TACC2: variants seen among roughly 807,000 people sequenced by gnomAD.
The protein encoded by TACC2 is transforming acidic coiled-coil containing protein 2, also known as transforming acidic coiled-coil-containing protein 2.
In TACC2, 137 loss-of-function variants were observed where a neutral mutation model predicts 227.3. The observed-to-expected ratio is 0.60, with a 90% CI of 0.52 to 0.69. The LOEUF (loss-of-function observed/expected upper bound fraction) is 0.69, where lower values mean the gene tolerates loss of function less well. TACC2 is among the 30% of genes least tolerant of loss of function. TACC2 has a pLI of 0.00. For missense variants in TACC2, 3,470 were observed against 3,694.4 expected (o/e 0.94, Z 1.57); for synonymous variants, 1,523 against 1,487.5 (o/e 1.02, Z -0.55).
intron 2 of TACC2, among the ~76,000 whole-genome samples, chr10:122,034,403 T>C (rs1179764685): frequency 6.6e-6 from 1 of 152,128 alleles, no homozygotes; most frequent in Non-Finnish European, 1.5e-5. Context: ...AGGATAATCA[T>C]CCCAGGTCAT....
chr10:122,147,681 C>T (rs2901303), intron 7 of TACC2, among the ~76,000 whole-genome samples: 146,172 of 152,336 alleles, frequency 0.96, 70,338 homozygotes, highest in Non-Finnish European at 1. Flanking sequence ...TGGGTTATAA[C>T]CCAATACTAC....
At chr10:122,051,427 T>TG (rs1252132606) in intron 3 of TACC2, 3 of 152,116 alleles carry the variant, frequency 2.0e-5, no homozygotes, top group Non-Finnish European at 4.4e-5. Flanking sequence ...CCTCTCCCCA[T>TG]GTTGGCCCCA....
At chr10:122,054,948 G>A (rs1476785403) in intron 3 of TACC2, among the ~76,000 whole-genome samples, 1 of 152,130 alleles carries the variant, frequency 6.6e-6, no homozygotes, top group Non-Finnish European at 1.5e-5. Context: ...GGCAGGGCAT[G>A]GTGGCTCACG....
chr10:122,030,123 G>A (rs1958760371), intron 2 of TACC2, among the ~76,000 whole-genome samples: 1 of 150,862 alleles, frequency 6.6e-6, no homozygotes, highest in African/African-American at 2.4e-5. Flanking sequence ...CAGCGCTGAG[G>A]TTGAGAAACC....
chr10:122,069,725 A>G (rs2461229), intron 3 of TACC2, among the ~76,000 whole-genome samples: 149,238 of 152,324 alleles, frequency 0.98, 73,169 homozygotes, highest in East Asian at 1. Flanking sequence ...GGTTTTAAAT[A>G]GGAATGCAGC....
chr10:122,166,763 T>C (rs1415521034), intron 7 of TACC2, among the ~76,000 whole-genome samples: 1 of 152,210 alleles, frequency 6.6e-6, no homozygotes, highest in East Asian at 1.9e-4. Flanking sequence ...GCTGGCCACT[T>C]CTCTGACTGC....
chr10:122,067,487 T>C (rs964521564), intron 3 of TACC2, among the ~76,000 whole-genome samples: 5 of 150,074 alleles, frequency 3.3e-5, no homozygotes, highest in African/African-American at 9.8e-5. Flanking sequence ...CTTGGTGGTG[T>C]AGGTTTTTCA....
At chr10:122,039,112 A>T (rs1207968300) in intron 2 of TACC2, among the ~76,000 whole-genome samples, 1 of 152,116 alleles carries the variant, frequency 6.6e-6, no homozygotes, top group Admixed American at 6.5e-5. Flanking sequence ...AGTAGCTGGG[A>T]TTACAGGCAG....
rs1417526043 is a variant in TACC2 at position 122,141,979 on chromosome 10, T to C, written c.5700-1593T>C. Among the ~76,000 whole-genome samples the C allele has an allele frequency of 2.0e-5, 3 of 152,242 alleles. No individual in the cohort carries two copies. The highest frequency in any genetic ancestry group is 4.1e-4 in the South Asian group (2 of 4,836). On this transcript the variant is annotated intron_variant, in intron 6 of 22. Transcript: ENST00000369005. The surrounding 1 kb of genome is among the most constrained non-coding windows in gnomAD (Gnocchi z 4.3). Reference sequence around the variant, plus strand: ...AGGAGCTTAAATGCCTCTGGTAGTTTGCATTATTCATTTTGAGTCATTCTT... The same window carrying C: ...AGGAGCTTAAATGCCTCTGGTAGTTCGCATTATTCATTTTGAGTCATTCTT...
In TACC2 at chr10:122,211,407, A is replaced by G; in HGVS notation, c.6982A>G (p.Ile2328Val). The change falls in exon 9 of 23, where the codon ATC becomes GTC. Residue 2328 changes from isoleucine (I) to valine (V), a missense_variant. Around this residue, in one of 10 missense-constraint regions of TACC2, gnomAD observed 593 missense variants for 636.6 expected, o/e 0.93. Transcript: ENST00000369005. ...CAGATCCCCTGCTGAACCCAATGAC[A>G]TCCCCATTGCTAAAGGTACTTACAC... ...PPRSPAEPND[I>V]PIAKGTYTFD... 2 of 1,614,108 alleles carry G rather than the reference A, an allele frequency of 1.2e-6. No individual in the cohort carries two copies. Among genetic ancestry groups the G allele is most frequent in the Non-Finnish European group, 1.7e-6 (2 of 1,180,006 alleles).
rs962159990 is a variant in TACC2 at position 122,245,655 on chromosome 10, T to C, written c.8393-2988T>C. ...TGTTGGCGATTCTATGTTAAAAAGC[T>C]CCCTCTTCGCAAGCCACTGTGACAC... On this transcript the variant is annotated intron_variant, in intron 19 of 22. Coordinates refer to ENST00000369005, the MANE Select transcript of TACC2 (RefSeq NM_206862.4). Among the ~76,000 whole-genome samples, 12 of 151,946 alleles carry C rather than the reference T, an allele frequency of 7.9e-5. No individual in the cohort carries two copies. In the South Asian group the frequency reaches 1.9e-3, roughly 24 times the overall value.
Position 122,084,994 on chromosome 10 carries a change from C to T in TACC2, c.2494C>T (p.Pro832Ser), listed in dbSNP as rs1404849634. Residue 832 changes from proline (P) to serine (S), a missense_variant, in exon 4 of 23, where the codon CCA becomes TCA. By Grantham distance (74) the Pro-to-Ser change is moderately conservative (BLOSUM62 -1). Coordinates refer to ENST00000369005, the MANE Select transcript of TACC2 (RefSeq NM_206862.4). ...ACTATCTTCTGAGAAGCATCTCCAGCCATCCCAGGCACAACCAGAGACATC... is the reference window on the plus strand; with the variant it reads ...ACTATCTTCTGAGAAGCATCTCCAGTCATCCCAGGCACAACCAGAGACATC... ...PLLSSEKHLQ[P>S]SQAQPETSIF... is the part of the protein sequence containing the mutation. 22 of 1,614,018 alleles carry T rather than the reference C, an allele frequency of 1.4e-5. No individual in the cohort carries two copies. Among genetic ancestry groups the T allele is most frequent in the Non-Finnish European group, 1.9e-5 (22 of 1,180,008 alleles).
At chr10:122,016,261 G>GAA (rs66489609) in intron 1 of TACC2, among the ~76,000 whole-genome samples, 37 of 103,312 alleles carry the variant, frequency 3.6e-4, no homozygotes, top group Middle Eastern at 6.0e-3. Context: ...GACCCTGTCT[G>GAA]AAAAAAAAAA....
intron 3 of TACC2, among the ~76,000 whole-genome samples, chr10:122,062,017 C>A (rs1486628132): frequency 1.4e-5 from 2 of 142,834 alleles, no homozygotes; most frequent in African/African-American, 5.1e-5. Flanking sequence ...TAGGACATGT[C>A]AGAGCGGCTT....
chr10:122,088,379 T>G, intron 4 of TACC2, 99 bp from the exon 5 acceptor site: 1 of 1,196,300 alleles, frequency 8.4e-7, no homozygotes. Context: ...AGTAGCCACT[T>G]AAAACTTTAA....
At position 122,210,578 on chromosome 10, in the gene TACC2, C is replaced by A. The variant is rs2095268445; in HGVS notation, c.6153C>A (p.Thr2051=). 6.2e-7 allele frequency: 1 copy of A among 1,613,988 alleles called. No homozygotes were observed. The change falls in exon 9 of 23, where the codon ACC becomes ACA. Residue 2051 remains threonine (T), a synonymous_variant. Transcript: ENST00000369005. This position sits in a 1 kb window ranked among gnomAD's most constrained non-coding sequence, Gnocchi z 4.6. Reference sequence around the variant, plus strand: ...TTGAGCTTGTGGATACCTTTCAGACCTTGGAGCCTCGTGCCTCAGACGCTA... The same window carrying A: ...TTGAGCTTGTGGATACCTTTCAGACATTGGAGCCTCGTGCCTCAGACGCTA... The part of the protein sequence containing the change: ...DNIELVDTFQ[T]LEPRASDAKN...
chr10:122,112,903 G>T (rs539821518), intron 5 of TACC2: 24 of 152,110 alleles, frequency 1.6e-4, no homozygotes, highest in African/African-American at 5.8e-4. Context: ...CCGGGGAGGA[G>T]AGCGCGGCGG....
chr10:122,131,051 G>A (rs969990330), intron 5 of TACC2, among the ~76,000 whole-genome samples: 1 of 151,990 alleles, frequency 6.6e-6, no homozygotes, highest in Non-Finnish European at 1.5e-5. Context: ...GGTGGCCCAC[G>A]CCTATAATCC....
At chr10:122,177,955 A>G (rs937160687) in intron 7 of TACC2, among the ~76,000 whole-genome samples, 3 of 152,200 alleles carry the variant, frequency 2.0e-5, no homozygotes, top group Admixed American at 6.5e-5. Context: ...AAGATCGAAG[A>G]TGGACAACAT....
Sources: gnomAD v4.1 joint callset for allele counts (sites outside exome capture counted in the v4.1 genomes callset) on GRCh38, gnomAD v4.1.1 for gene constraint, gnomAD v4.1.1 regional missense constraint, Gnocchi (gnomAD v3.1) non-coding constraint, MANE v1.5 for transcripts, NCBI Gene and HGNC (gene_info 2026-07-23, HGNC 2026-07-21) for gene names.